The following TMCC1 variants were observed in gnomAD, a reference collection of about 807,000 sequenced individuals.
TMCC1 encodes transmembrane and coiled-coil domain family 1.
TMCC1 carries 15 observed loss-of-function variants against 52.4 expected under a neutral mutation model. That is an observed-to-expected ratio of 0.29 (90% CI 0.19 to 0.44). The LOEUF (loss-of-function observed/expected upper bound fraction) is 0.44, where lower values mean the gene tolerates loss of function less well. TMCC1 is among the 20% of genes least tolerant of loss of function. The probability of loss-of-function intolerance (pLI) is 1.00; values close to 1 mark genes in which losing one functional copy is unlikely to be tolerated. For missense variants in TMCC1, 503 were observed against 806.0 expected (o/e 0.62, Z 4.55); for synonymous variants, 279 against 301.9 (o/e 0.92, Z 0.79).
intron 4 of TMCC1, among the ~76,000 whole-genome samples, chr3:129,731,615 G>C (rs928537462): frequency 6.6e-6 from 1 of 151,896 alleles, no homozygotes; most frequent in Non-Finnish European, 1.5e-5. Context: ...AGCAAATTAG[G>C]AATAGAGGGG....
At chr3:129,868,473 C>G (rs2060759118) in intron 2 of TMCC1, among the ~76,000 whole-genome samples, 1 of 152,152 alleles carries the variant, frequency 6.6e-6, no homozygotes, top group African/African-American at 2.4e-5. Context: ...GAGTCTTGCT[C>G]TGTTGCCCAG....
At chr3:129,681,558 G>A (rs1215377671) in intron 4 of TMCC1, among the ~76,000 whole-genome samples, 1 of 151,764 alleles carries the variant, frequency 6.6e-6, no homozygotes, top group Non-Finnish European at 1.5e-5. Flanking sequence ...GTGGGTAGGA[G>A]GCCAGGTAGG....
chr3:129,786,616 A>G (rs2056055996), intron 4 of TMCC1, among the ~76,000 whole-genome samples: 1 of 152,100 alleles, frequency 6.6e-6, no homozygotes, highest in East Asian at 1.9e-4. Context: ...TTCTAAATAT[A>G]TATTTATTCA....
intron 2 of TMCC1, among the ~76,000 whole-genome samples, chr3:129,870,389 A>T (rs929519982): frequency 9.2e-5 from 14 of 152,090 alleles, no homozygotes; most frequent in African/African-American, 3.4e-4. Flanking sequence ...TATATTTCCA[A>T]GTATTATCTT....
At chr3:129,710,157 G>A (rs1472267567) in intron 4 of TMCC1, among the ~76,000 whole-genome samples, 1 of 151,250 alleles carries the variant, frequency 6.6e-6, no homozygotes, top group Non-Finnish European at 1.5e-5. Context: ...CTGCTTTCCA[G>A]CCTGGGCGAC....
chr3:129,856,758 G>A (rs2107918445), intron 2 of TMCC1, among the ~76,000 whole-genome samples: 1 of 152,190 alleles, frequency 6.6e-6, no homozygotes, highest in South Asian at 2.1e-4. Context: ...CACTAAATTA[G>A]CAAAACATGT....
intron 4 of TMCC1, among the ~76,000 whole-genome samples, chr3:129,780,634 TCTC>T (rs983448073): frequency 2.0e-5 from 3 of 152,116 alleles, no homozygotes; most frequent in Non-Finnish European, 2.9e-5. Context: ...TTGCCCCAAA[TCTC>T]CTATTTCCTT....
At chr3:129,801,282 CCTT>C (rs771321041) in intron 4 of TMCC1, among the ~76,000 whole-genome samples, 5 of 151,896 alleles carry the variant, frequency 3.3e-5, no homozygotes, top group South Asian at 4.2e-4. Context: ...TCTATGACCT[CCTT>C]TTTTTTTTAA....
chr3:129,756,859 A>G (rs72985347), intron 4 of TMCC1, among the ~76,000 whole-genome samples: 98 of 152,346 alleles, frequency 6.4e-4, no homozygotes, highest in African/African-American at 2.3e-3. Context: ...TGTTGATTAT[A>G]AAGTGGAAGC....
At chr3:129,840,621 G>T (rs1314480721) in intron 2 of TMCC1, among the ~76,000 whole-genome samples, 6 of 152,140 alleles carry the variant, frequency 3.9e-5, no homozygotes, top group Non-Finnish European at 8.8e-5. Flanking sequence ...GGAGGCGACT[G>T]GATCACGGGG....
chr3:129,712,994 GC>G (rs1294870154), intron 4 of TMCC1, among the ~76,000 whole-genome samples: 1 of 151,568 alleles, frequency 6.6e-6, no homozygotes, highest in East Asian at 2.0e-4. Flanking sequence ...GGGCGTGGTG[GC>G]TCACACCAGT....
intron 4 of TMCC1, among the ~76,000 whole-genome samples, chr3:129,801,912 T>G (rs2057220093): frequency 6.6e-6 from 1 of 152,232 alleles, no homozygotes. Flanking sequence ...GTGACAGTTC[T>G]TGTACATTTA....
intron 4 of TMCC1, among the ~76,000 whole-genome samples, chr3:129,671,971 C>T (rs2087983544): frequency 6.6e-6 from 1 of 152,130 alleles, no homozygotes; most frequent in Admixed American, 6.6e-5. Flanking sequence ...GGGACAGGAA[C>T]AGTAAGAGCT....
At chr3:129,825,088 T>A (rs767367381) in intron 4 of TMCC1, among the ~76,000 whole-genome samples, 2 of 152,158 alleles carry the variant, frequency 1.3e-5, no homozygotes, top group Non-Finnish European at 2.9e-5. Context: ...CTGTCAGGCA[T>A]CCATCCCCTC....
At chr3:129,876,441 A>AT (rs1371197154) in intron 2 of TMCC1, among the ~76,000 whole-genome samples, 2 of 152,042 alleles carry the variant, frequency 1.3e-5, no homozygotes, top group South Asian at 2.1e-4. Context: ...CAATCCTTAC[A>AT]TTTTTTCTTT....
At chr3:129,760,494 G>GTGTGTGTGTGTT (rs1491495500) in intron 4 of TMCC1, among the ~76,000 whole-genome samples, 1 of 145,088 alleles carries the variant, frequency 6.9e-6, no homozygotes. Context: ...GTGTGTGTGT[G>GTGTGTGTGTGTT]TTTTTGAGAC....
intron 2 of TMCC1, among the ~76,000 whole-genome samples, chr3:129,868,602 C>T (rs1021333754): frequency 2.0e-5 from 3 of 152,168 alleles, no homozygotes; most frequent in East Asian, 1.9e-4. Context: ...TCATGCCCAG[C>T]TAATTTTTGT....
chr3:129,835,657 T>TA (rs2059126886), intron 2 of TMCC1, among the ~76,000 whole-genome samples: 1 of 152,156 alleles, frequency 6.6e-6, no homozygotes, highest in African/African-American at 2.4e-5. Context: ...TGTATTTATT[T>TA]AAAAAATCCA....
At chr3:129,859,699 T>C (rs1320018223) in intron 2 of TMCC1, among the ~76,000 whole-genome samples, 2 of 151,452 alleles carry the variant, frequency 1.3e-5, no homozygotes, top group African/African-American at 2.4e-5. Context: ...CACACGTATA[T>C]ACATGAATTC....
Sources: allele counts gnomAD v4.1 joint callset (sites outside exome capture counted in the v4.1 genomes callset), GRCh38; gene constraint gnomAD v4.1.1; transcripts MANE v1.5; gene names NCBI Gene and HGNC (gene_info 2026-07-23, HGNC 2026-07-21).